Variants in GPC5 observed in about 807,000 individuals in gnomAD.
GPC5 encodes glypican-5.
A neutral mutation model predicts 53.9 loss-of-function variants in GPC5; 47 were observed. The ratio of observed to expected loss-of-function variants is 0.87; its 90% CI spans 0.69 to 1.11. The LOEUF (loss-of-function observed/expected upper bound fraction) is 1.11. Ranked by LOEUF, GPC5 falls within the 50% of genes most tolerant of loss-of-function variation. The pLI is 0.00. For synonymous variants in GPC5, 286 were observed against 263.3 expected, an observed-to-expected ratio of 1.09 and a Z score of -0.84; for missense variants, 748 against 713.1, an observed-to-expected ratio of 1.05 and a Z score of -0.56.
chr13:92,161,042 T>A (rs1323450526), intron 7 of GPC5, among the ~76,000 whole-genome samples: 1 of 3,272 alleles, frequency 3.1e-4, no homozygotes, highest in South Asian at 0.033. Flanking sequence ...CAAAAGTGTT[T>A]TTTTTTTTTT....
intron 2 of GPC5, among the ~76,000 whole-genome samples, chr13:91,490,740 C>G (rs930061770): frequency 6.6e-6 from 1 of 152,178 alleles, no homozygotes. Context: ...AGAGAAAAAG[C>G]TAAATGTACA....
chr13:92,694,686 A>T (rs1887508290), intron 7 of GPC5, among the ~76,000 whole-genome samples: 1 of 152,218 alleles, frequency 6.6e-6, no homozygotes, highest in Non-Finnish European at 1.5e-5. Context: ...GATGAAAGTG[A>T]CTTCCCTCAT....
intron 7 of GPC5, among the ~76,000 whole-genome samples, chr13:92,192,374 G>A (rs2042228534): frequency 6.6e-6 from 1 of 152,110 alleles, no homozygotes; most frequent in African/African-American, 2.4e-5. Flanking sequence ...ATTCAATTTT[G>A]TTGTGAACAT....
At chr13:92,672,348 A>T (rs1886782018) in intron 7 of GPC5, among the ~76,000 whole-genome samples, 1 of 152,236 alleles carries the variant, frequency 6.6e-6, no homozygotes, top group Non-Finnish European at 1.5e-5. Flanking sequence ...ATCTTATACC[A>T]GCCAGAATGG....
At chr13:91,460,546 C>G (rs905224754) in intron 2 of GPC5, among the ~76,000 whole-genome samples, 1 of 152,066 alleles carries the variant, frequency 6.6e-6, no homozygotes, top group African/African-American at 2.4e-5. Flanking sequence ...AAGTGATCCA[C>G]CCACCTCAGC....
intron 7 of GPC5, among the ~76,000 whole-genome samples, chr13:92,742,765 G>A (rs1243617641): frequency 2.0e-5 from 3 of 152,086 alleles, no homozygotes; most frequent in South Asian, 2.1e-4. Flanking sequence ...TGTATAAGGT[G>A]TAAGGAAGGG....
At chr13:92,765,641 G>A (rs767946091) in intron 7 of GPC5, among the ~76,000 whole-genome samples, 1 of 152,126 alleles carries the variant, frequency 6.6e-6, no homozygotes, top group Non-Finnish European at 1.5e-5. Context: ...CTGGGACCTT[G>A]TTAGAAATGC....
At chr13:91,464,573 T>C (rs1882121023) in intron 2 of GPC5, among the ~76,000 whole-genome samples, 1 of 152,120 alleles carries the variant, frequency 6.6e-6, no homozygotes, top group Non-Finnish European at 1.5e-5. Context: ...TGCAAACAAT[T>C]GGATGGACTT....
intron 2 of GPC5, among the ~76,000 whole-genome samples, chr13:91,540,774 AT>A (rs1450391628): frequency 6.6e-6 from 1 of 152,124 alleles, no homozygotes; most frequent in African/African-American, 2.4e-5. Context: ...TTGGAACTAG[AT>A]TCCCTGTGAT....
chr13:92,788,716 A>C (rs577773091), intron 7 of GPC5, among the ~76,000 whole-genome samples: 171 of 152,294 alleles, frequency 1.1e-3, no homozygotes, highest in African/African-American at 4.0e-3. Flanking sequence ...TCAGCACCAA[A>C]TTAGAAGTGC....
chr13:92,564,545 A>G (rs905646701), intron 7 of GPC5, among the ~76,000 whole-genome samples: 2 of 151,934 alleles, frequency 1.3e-5, no homozygotes, highest in Non-Finnish European at 2.9e-5. Context: ...TTTTAAATTC[A>G]GGGGATACAT....
intron 7 of GPC5, among the ~76,000 whole-genome samples, chr13:92,342,482 C>A (rs1174484050): frequency 6.6e-6 from 1 of 151,984 alleles, no homozygotes; most frequent in East Asian, 1.9e-4. Context: ...AGATTAGTGT[C>A]CTTATCAAAA....
Position 92,083,588 on chromosome 13 carries a change from G to A in GPC5, c.1402-61242G>A, listed in dbSNP as rs192946761. Among the ~76,000 whole-genome samples the A allele has an allele frequency of 2.0e-3, 308 of 152,046 alleles. 1 individual carries two copies. The highest frequency in any genetic ancestry group is 6.1e-3 in the African/African-American group (254 of 41,494). On this transcript the variant is annotated intron_variant, in intron 6 of 7. Coordinates refer to ENST00000377067, the MANE Select transcript of GPC5 (RefSeq NM_004466.6). The stretch of plus-strand genomic sequence containing the variant: ...TAAAGTATAATTTAAAAAAAGATCC[G>A]TACATTATATTTTATGTTTTTATTA...
At chr13:92,710,529 T>C (rs894641484) in intron 7 of GPC5, among the ~76,000 whole-genome samples, 1 of 152,230 alleles carries the variant, frequency 6.6e-6, no homozygotes, top group East Asian at 1.9e-4. Context: ...AAAGTCTAAA[T>C]ATAATTCTAT....
intron 7 of GPC5, among the ~76,000 whole-genome samples, chr13:92,852,985 C>T (rs1409749582): frequency 6.6e-6 from 1 of 152,174 alleles, no homozygotes; most frequent in East Asian, 1.9e-4. Flanking sequence ...ACTTGTCTAA[C>T]AATTGCTGAG....
intron 7 of GPC5, among the ~76,000 whole-genome samples, chr13:92,711,965 G>A (rs1057253578): frequency 4.0e-5 from 6 of 151,786 alleles, no homozygotes; most frequent in Admixed American, 2.6e-4. Flanking sequence ...AGCAGAGAGG[G>A]AAATTCAAAT....
chr13:92,237,401 G>A (rs899163403), intron 7 of GPC5, among the ~76,000 whole-genome samples: 2 of 151,986 alleles, frequency 1.3e-5, no homozygotes, highest in Non-Finnish European at 2.9e-5. Flanking sequence ...TGTATTTTTA[G>A]TAAGGATGGG....
chr13:92,473,338 T>C (rs61973636), intron 7 of GPC5, among the ~76,000 whole-genome samples: 10,018 of 152,176 alleles, frequency 0.066, 402 homozygotes, highest in Middle Eastern at 0.12. Context: ...TCGATCACAC[T>C]GTTTCTCTTC....
intron 7 of GPC5, among the ~76,000 whole-genome samples, chr13:92,852,972 C>A (rs2138846729): frequency 6.6e-6 from 1 of 152,292 alleles, no homozygotes; most frequent in East Asian, 1.9e-4. Flanking sequence ...TAAGTCAGAT[C>A]ACACTTGTCT....
Sources: allele counts gnomAD v4.1 joint callset (sites outside exome capture counted in the v4.1 genomes callset), GRCh38; gene constraint gnomAD v4.1.1; transcripts MANE v1.5; gene names NCBI Gene and HGNC (gene_info 2026-07-23, HGNC 2026-07-21).